Variants in PNPLA8 observed in about 807,000 individuals in gnomAD.
PNPLA8 encodes calcium-independent phospholipase A2-gamma.
A neutral mutation model predicts 76.9 loss-of-function variants in PNPLA8; 39 were observed. That is an observed-to-expected ratio of 0.51 (90% CI 0.39 to 0.66). The LOEUF (loss-of-function observed/expected upper bound fraction) is 0.66. PNPLA8 is among the 30% of genes least tolerant of loss of function. The probability of loss-of-function intolerance (pLI) is 0.00; values close to 1 mark genes in which losing one functional copy is unlikely to be tolerated. For synonymous variants in PNPLA8, 301 were observed against 307.9 expected (o/e 0.98, Z 0.24); for missense variants, 887 against 918.0 (o/e 0.97, Z 0.44).
chr7:108,475,107 T>C (rs184650262), intron 10 of PNPLA8, among the ~76,000 whole-genome samples: 16 of 152,208 alleles, frequency 1.1e-4, no homozygotes, highest in Admixed American at 7.2e-4. Flanking sequence ...GGGATCTAGG[T>C]TGCGTGCTCC....
At chr7:108,498,070 A>C (rs1165223358) in intron 5 of PNPLA8, among the ~76,000 whole-genome samples, 2 of 151,174 alleles carry the variant, frequency 1.3e-5, no homozygotes, top group African/African-American at 4.8e-5. Flanking sequence ...GCCAAAAACC[A>C]ACAAACAACT....
At chr7:108,511,347 G>A (rs1161751338) in intron 4 of PNPLA8, among the ~76,000 whole-genome samples, 3 of 152,120 alleles carry the variant, frequency 2.0e-5, no homozygotes, top group Non-Finnish European at 4.4e-5. Context: ...TTAACACGGT[G>A]GTCATCCTTA....
At chr7:108,489,559 C>T (rs1324988822) in intron 8 of PNPLA8, among the ~76,000 whole-genome samples, 1 of 152,200 alleles carries the variant, frequency 6.6e-6, no homozygotes, top group African/African-American at 2.4e-5. Context: ...TTCAGGGAAA[C>T]TACTACATGT....
chr7:108,516,617 T>A (rs1359184460), intron 2 of PNPLA8, among the ~76,000 whole-genome samples: 1 of 152,102 alleles, frequency 6.6e-6, no homozygotes, highest in African/African-American at 2.4e-5. Context: ...TATTAAAAAC[T>A]TCTGGCCAGG....
chr7:108,503,624 C>A (rs1862122168), intron 4 of PNPLA8, among the ~76,000 whole-genome samples: 1 of 152,158 alleles, frequency 6.6e-6, no homozygotes, highest in African/African-American at 2.4e-5. Flanking sequence ...AAAGTACCAT[C>A]TGTTTAAAGG....
intron 1 of PNPLA8, among the ~76,000 whole-genome samples, chr7:108,522,154 C>T (rs762954626): frequency 1.3e-5 from 2 of 151,814 alleles, no homozygotes; most frequent in Non-Finnish European, 2.9e-5. Context: ...ATTAGCCGGG[C>T]GTGGTGGTAC....
At position 108,502,509 on chromosome 7, in the gene PNPLA8, A is replaced by G. The variant is rs201210448; in HGVS notation, c.1340T>C (p.Ile447Thr). 18 of 1,606,804 alleles carry G rather than the reference A, an allele frequency of 1.1e-5. No individual in the cohort carries two copies. Among genetic ancestry groups the G allele is most frequent in the African/African-American group, 4.0e-5 (3 of 74,214 alleles). The stretch of plus-strand genomic sequence containing the variant: ...GCCTTACCTTGTTCCTCCACCATCA[A>G]TTGAGAGAATTCGGATTCCTCTCCC... ...VKGRGIRILSIDGGGTRGVVA... is the reference protein window; with the variant it reads ...VKGRGIRILSTDGGGTRGVVA... Residue 447 changes from isoleucine (I) to threonine (T), a missense_variant, in exon 5 of 11, where the codon ATT becomes ACT. Physicochemically the swap from Ile to Thr is moderately conservative, Grantham distance 89. Transcript: ENST00000257694.
chr7:108,507,341 CAAAAAAAA>C (rs66685490), intron 4 of PNPLA8, among the ~76,000 whole-genome samples: 2 of 45,374 alleles, frequency 4.4e-5, no homozygotes, highest in African/African-American at 2.0e-4. Flanking sequence ...GACTCTGTCT[CAAAAAAAA>C]AAAAAAAAAA....
chr7:108,483,466 G>A (rs531515962), intron 9 of PNPLA8, among the ~76,000 whole-genome samples: 2 of 152,236 alleles, frequency 1.3e-5, no homozygotes, highest in African/African-American at 4.8e-5. Context: ...TCAAAGTCAC[G>A]CATTGAACTT....
At position 108,487,820 on chromosome 7, in the gene PNPLA8, C is replaced by T. The variant is rs1860851624; in HGVS notation, c.1817G>A (p.Arg606Lys). Residue 606 changes from arginine to lysine, a missense_variant, in exon 9 of 11, where the codon AGA (arginine) becomes AAA (lysine). Coordinates refer to ENST00000257694, the MANE Select transcript of PNPLA8 (RefSeq NM_001256007.3). ...GTAGCCTGGAGCAGCAGATGAGGCTCTAATGGCCTGCCACATTTTATACTG... is the reference window on the plus strand; with the variant it reads ...GTAGCCTGGAGCAGCAGATGAGGCTTTAATGGCCTGCCACATTTTATACTG... The part of the protein sequence containing the change: ...GCQYKMWQAI[R>K]ASSAAPGYFA... 1 of 1,613,506 alleles carries T rather than the reference C, an allele frequency of 6.2e-7. No homozygotes were observed.
chr7:108,498,038 C>G (rs1242950141), intron 5 of PNPLA8, among the ~76,000 whole-genome samples: 1 of 145,354 alleles, frequency 6.9e-6, no homozygotes, highest in African/African-American at 2.5e-5. Context: ...AAGAAATCCA[C>G]TCAAATACAC....
rs1262827593 is a variant in PNPLA8 at position 108,471,177 on chromosome 7, A to C, written c.*1224T>G. 3 of 152,068 alleles carry C rather than the reference A, an allele frequency of 2.0e-5. No individual in the cohort carries two copies. The highest frequency in any genetic ancestry group is 4.8e-5 in the African/African-American group (2 of 41,374). 9.4% of individuals were successfully genotyped at this position (152,068 alleles called of 1,614,324 possible). A position where few individuals can be genotyped will look rare whatever the true frequency, so the allele number is the denominator to read the frequency against. Reference sequence around the variant, plus strand: ...AACTTCCATGAAATCCAGACAGTTCAAAGGAGTTAATAAGGTAAAACAAGC... The same window carrying C: ...AACTTCCATGAAATCCAGACAGTTCCAAGGAGTTAATAAGGTAAAACAAGC... On this transcript the variant is annotated 3_prime_UTR_variant, in exon 11 of 11. Transcript: ENST00000257694.
At chr7:108,523,871 G>A (rs1863909386) in intron 1 of PNPLA8, among the ~76,000 whole-genome samples, 2 of 152,186 alleles carry the variant, frequency 1.3e-5, no homozygotes, top group Admixed American at 6.5e-5. Context: ...AGGGAAAAAA[G>A]AGAAAACAAC....
Position 108,498,001 on chromosome 7 carries a change from G to GAA in PNPLA8, c.1359-426_1359-425dup, listed in dbSNP as rs201923487. Among the ~76,000 whole-genome samples the GAA allele has an allele frequency of 5.8e-3, 453 of 77,560 alleles. 2 individuals carry two copies. The highest frequency in any genetic ancestry group is 9.2e-3 in the Non-Finnish European group (342 of 37,180). The allele number at this position is 77,560 out of a possible 152,430, so 50.9% of individuals were successfully genotyped here. A position where few individuals can be genotyped will look rare whatever the true frequency, so the allele number is the denominator to read the frequency against. On this transcript the variant is annotated intron_variant, in intron 5 of 10. Coordinates refer to ENST00000257694, the MANE Select transcript of PNPLA8 (RefSeq NM_001256007.3). ...AATATAGCGAGATCCCATTTCTACA[G>GAA]AAAAAAAAAAAAAAAGTAAAAAGAA...
chr7:108,488,890 A>G (rs910739731), intron 8 of PNPLA8, among the ~76,000 whole-genome samples: 4 of 152,228 alleles, frequency 2.6e-5, no homozygotes, highest in African/African-American at 9.6e-5. Flanking sequence ...GGCCAAAGTT[A>G]GTGTCCTGTG....
intron 7 of PNPLA8, among the ~76,000 whole-genome samples, chr7:108,493,170 G>C (rs1861307696): frequency 6.6e-6 from 1 of 152,010 alleles, no homozygotes; most frequent in Admixed American, 6.6e-5. Context: ...GTTTGAAAAA[G>C]CAGAGAAAGA....
rs1160064007 is a variant in PNPLA8 at position 108,509,386 on chromosome 7, C to G, written c.1206+4758G>C. Among the ~76,000 whole-genome samples, 9 of 147,834 alleles carry G rather than the reference C, an allele frequency of 6.1e-5. 1 individual carries two copies. In the East Asian group the frequency reaches 1.8e-3, roughly 29 times the overall value. ...GCAAAGGACATGAACAGACACTTCT[C>G]AAAAGAAGACATTTATGCAGCCAAA... On this transcript the variant is annotated intron_variant, in intron 4 of 10. Coordinates refer to ENST00000257694, the MANE Select transcript of PNPLA8 (RefSeq NM_001256007.3).
chr7:108,520,191 G>A (rs1338740793), intron 2 of PNPLA8, among the ~76,000 whole-genome samples: 1 of 152,192 alleles, frequency 6.6e-6, no homozygotes, highest in East Asian at 1.9e-4. Flanking sequence ...ACCGGCAGAG[G>A]TGGAAGGGGA....
chr7:108,484,449 C>T (rs1458234004), intron 9 of PNPLA8, among the ~76,000 whole-genome samples: 4 of 152,018 alleles, frequency 2.6e-5, no homozygotes, highest in Non-Finnish European at 4.4e-5. Flanking sequence ...TGGTCTTGAA[C>T]TCCTGAGCTC....
Sources: gnomAD v4.1 joint callset for allele counts (sites outside exome capture counted in the v4.1 genomes callset) on GRCh38, gnomAD v4.1.1 for gene constraint, MANE v1.5 for transcripts, NCBI Gene and HGNC (gene_info 2026-07-23, HGNC 2026-07-21) for gene names.